Variants in FAAH2 observed in about 807,000 individuals in gnomAD.
The protein encoded by FAAH2 is fatty-acid amide hydrolase 2.
FAAH2 carries 60 observed loss-of-function variants against 36.9 expected under a neutral mutation model. The ratio of observed to expected loss-of-function variants is 1.63; its 90% CI spans 1.32 to 2.02. The LOEUF is 2.02. Among genes scored for constraint, FAAH2 ranks in the 30% most tolerant of loss-of-function variants. FAAH2 has a pLI of 0.00. For missense variants in FAAH2, 689 were observed against 397.5 expected, an observed-to-expected ratio of 1.73 and a Z score of -6.23; for synonymous variants, 214 against 143.8, an observed-to-expected ratio of 1.49 and a Z score of -3.49.
chrX:57,222,559 C>T, the FAAH2 span, among the ~76,000 whole-genome samples: 10 of 111,655 alleles, frequency 9.0e-5, no homozygotes, highest in Non-Finnish European at 1.5e-4. Flanking sequence ...AACTATCTCT[C>T]CATGCCAACC....
At chrX:57,154,047 T>G in the FAAH2 span, among the ~76,000 whole-genome samples, 1 of 111,967 alleles carries the variant, frequency 8.9e-6, no homozygotes, top group African/African-American at 3.2e-5. Context: ...GGAAGCTTTG[T>G]TCATTTAAAA....
the FAAH2 span, among the ~76,000 whole-genome samples, chrX:57,157,661 G>C: frequency 9.0e-6 from 1 of 111,529 alleles, no homozygotes; most frequent in Non-Finnish European, 1.9e-5. Context: ...TTATATTTAT[G>C]TTAAAACCAA....
the FAAH2 span, among the ~76,000 whole-genome samples, chrX:57,269,545 T>C: frequency 3.6e-5 from 4 of 111,596 alleles, no homozygotes; most frequent in Non-Finnish European, 7.5e-5. Context: ...TATGGTGCAA[T>C]GAAACTAGAA....
the FAAH2 span, among the ~76,000 whole-genome samples, chrX:57,130,101 CCT>C: frequency 4.7e-3 from 529 of 112,454 alleles, 4 homozygotes; most frequent in African/African-American, 0.016. Context: ...TATCATTCCA[CCT>C]CTCACACCAA....
At chrX:57,259,634 A>G in the FAAH2 span, among the ~76,000 whole-genome samples, 1 of 111,985 alleles carries the variant, frequency 8.9e-6, no homozygotes, top group Non-Finnish European at 1.9e-5. Flanking sequence ...GAGGTGGGGG[A>G]AATAGAAAAA....
the FAAH2 span, among the ~76,000 whole-genome samples, chrX:57,220,065 A>G: frequency 9.2e-6 from 1 of 108,858 alleles, no homozygotes; most frequent in Non-Finnish European, 1.9e-5. Flanking sequence ...GTCCTCTGCA[A>G]TTCTTGCTTA....
At chrX:57,127,310 A>C in the FAAH2 span, 3 of 111,606 alleles carry the variant, frequency 2.7e-5, no homozygotes, top group East Asian at 5.6e-4. Context: ...ATAAGGAATA[A>C]GGAGCTATCT....
At chrX:57,415,318 G>A (rs1289616884) in intron 7 of FAAH2, among the ~76,000 whole-genome samples, 1 of 111,300 alleles carries the variant, frequency 9.0e-6, no homozygotes, top group African/African-American at 3.3e-5. Context: ...TGTGATGTTA[G>A]GGTGTCGATT....
chrX:57,229,730 C>T, the FAAH2 span, among the ~76,000 whole-genome samples: 1 of 111,414 alleles, frequency 9.0e-6, no homozygotes, highest in Non-Finnish European at 1.9e-5. Flanking sequence ...TGACACCAAA[C>T]CCCCACTTTC....
In FAAH2 at chrX:57,331,815, G is replaced by A; in HGVS notation, c.622+8G>A. On this transcript the variant is annotated splice_region_variant and intron_variant, in intron 4 of 10. Transcript: ENST00000374900. ...TTGTAGGTGGAAGTTCTGGTGAGTTGGACATTTTAGTATGGCATGAATAGC... is the reference window on the plus strand; with the variant it reads ...TTGTAGGTGGAAGTTCTGGTGAGTTAGACATTTTAGTATGGCATGAATAGC... 1 of 1,195,665 alleles carries A rather than the reference G, an allele frequency of 8.4e-7. No homozygotes were observed. Among genetic ancestry groups the A allele is most frequent in the Non-Finnish European group, 1.1e-6 (1 of 881,439 alleles).
chrX:57,342,263 C>T (rs2053706072), intron 5 of FAAH2, among the ~76,000 whole-genome samples: 1 of 111,189 alleles, frequency 9.0e-6, no homozygotes, highest in Non-Finnish European at 1.9e-5. Context: ...CAAACTAACG[C>T]AGGAACAGAA....
intron 3 of FAAH2, among the ~76,000 whole-genome samples, chrX:57,331,261 C>T (rs984607581): frequency 5.4e-5 from 6 of 111,543 alleles, no homozygotes; most frequent in African/African-American, 1.3e-4. Flanking sequence ...TTCTATGATT[C>T]TAGAGGCCCA....
chrX:57,170,165 T>A, the FAAH2 span, among the ~76,000 whole-genome samples: 5 of 111,903 alleles, frequency 4.5e-5, no homozygotes, highest in African/African-American at 1.6e-4. Context: ...GAAACTGGGT[T>A]TTGCCATGTT....
chrX:57,218,891 C>G, the FAAH2 span, among the ~76,000 whole-genome samples: 1 of 111,549 alleles, frequency 9.0e-6, no homozygotes, highest in Non-Finnish European at 1.9e-5. Flanking sequence ...TGTTATTGGT[C>G]TCTTCAGGGT....
At chrX:57,448,093 A>T (rs917479620) in intron 9 of FAAH2, among the ~76,000 whole-genome samples, 1 of 111,411 alleles carries the variant, frequency 9.0e-6, no homozygotes. Flanking sequence ...GGGCTAAAGC[A>T]ATCCTCCTGC....
chrX:57,459,910 A>T (rs1387178723), intron 10 of FAAH2, among the ~76,000 whole-genome samples: 2 of 112,006 alleles, frequency 1.8e-5, no homozygotes, highest in African/African-American at 6.5e-5. Flanking sequence ...AACAATGCTG[A>T]AACTTCCAAA....
At chrX:57,324,980 C>T (rs1048854817) in intron 3 of FAAH2, among the ~76,000 whole-genome samples, 2 of 112,146 alleles carry the variant, frequency 1.8e-5, no homozygotes, top group African/African-American at 6.5e-5. Flanking sequence ...GTGGGTTTGT[C>T]ATAGATAGCT....
At chrX:57,414,606 G>T (rs897118487) in intron 7 of FAAH2, among the ~76,000 whole-genome samples, 2 of 111,354 alleles carry the variant, frequency 1.8e-5, no homozygotes, top group African/African-American at 6.5e-5. Context: ...TTCGCTACTG[G>T]ATTCAGTTTG....
At chrX:57,145,276 C>A in the FAAH2 span, among the ~76,000 whole-genome samples, 1 of 109,148 alleles carries the variant, frequency 9.2e-6, no homozygotes, top group Non-Finnish European at 1.9e-5. Context: ...GGTGGTATTA[C>A]ATTGTGGTTT....
Sources: gnomAD v4.1 joint callset for allele counts (sites outside exome capture counted in the v4.1 genomes callset) on GRCh38, gnomAD v4.1.1 for gene constraint, MANE v1.5 for transcripts, NCBI Gene and HGNC (gene_info 2026-07-23, HGNC 2026-07-21) for gene names.